MTREX: variants seen among roughly 807,000 people sequenced by gnomAD.
MTREX encodes exosome RNA helicase MTR4.
In MTREX, 76 loss-of-function variants were observed where a neutral mutation model predicts 135.4. That is an observed-to-expected ratio of 0.56 (90% confidence interval 0.47 to 0.68). The LOEUF is 0.68. MTREX is among the 30% of genes least tolerant of loss of function. The probability of loss-of-function intolerance (pLI) is 0.00; values close to 1 mark genes in which losing one functional copy is unlikely to be tolerated. For synonymous variants in MTREX, 404 were observed against 401.6 expected (o/e 1.01, Z -0.07); for missense variants, 920 against 1,262.1 (o/e 0.73, Z 4.11).
intron 5 of MTREX, among the ~76,000 whole-genome samples, chr5:55,334,241 G>C (rs904091870): frequency 6.6e-6 from 1 of 152,090 alleles, no homozygotes; most frequent in Non-Finnish European, 1.5e-5. Context: ...ACTAGAATTA[G>C]ATGGAGGTAC....
intron 25 of MTREX, among the ~76,000 whole-genome samples, chr5:55,417,627 T>C (rs977052556): frequency 1.3e-5 from 2 of 152,220 alleles, no homozygotes; most frequent in African/African-American, 4.8e-5. Context: ...AAGAGGGATG[T>C]TGCGTACTCA....
At chr5:55,410,801 C>T (rs565525274) in intron 23 of MTREX, among the ~76,000 whole-genome samples, 172 bp downstream of exon 23, 1 of 152,144 alleles carries the variant, frequency 6.6e-6, no homozygotes, top group East Asian at 1.9e-4. Flanking sequence ...TGATTAAATA[C>T]GTATTATTAG....
Position 55,347,016 on chromosome 5 carries a change from C to T in MTREX, c.1112C>T (p.Pro371Leu). ...QKGRKGGTKG[P>L]SNVFKIVKMI... ...GTGTTGTTTACTGTTTTTGCAGGAC[C>T]ATCAAATGTTTTCAAAATTGTGAAG... The change falls in exon 11 of 27, where the codon CCA becomes CTA. Residue 371 changes from proline to leucine, a missense_variant. Transcript: ENST00000230640. The T allele has an allele frequency of 6.2e-7, 1 of 1,605,040 alleles. No individual in the cohort carries two copies. The highest frequency in any genetic ancestry group is 1.1e-5 in the South Asian group (1 of 88,760).
At chr5:55,349,205 G>A (rs1399249690) in intron 11 of MTREX, among the ~76,000 whole-genome samples, 1 of 101,828 alleles carries the variant, frequency 9.8e-6, no homozygotes, top group Admixed American at 9.9e-5. Flanking sequence ...TTTTTTTTCT[G>A]AGATGGGGTC....
At chr5:55,402,520 C>T (rs527507354) in intron 21 of MTREX, among the ~76,000 whole-genome samples, 5 of 152,274 alleles carry the variant, frequency 3.3e-5, no homozygotes, top group African/African-American at 1.2e-4. Context: ...TGAAAAAGAC[C>T]TTGTCTGGCT....
At chr5:55,379,044 G>A in intron 17 of MTREX, 83 bp from the exon 18 acceptor site, 1 of 871,200 alleles carries the variant, frequency 1.1e-6, no homozygotes, top group Non-Finnish European at 1.9e-6. Context: ...AGCTTTATTA[G>A]TCTAGAATGT....
chr5:55,330,383 A>G (rs1415166451), intron 5 of MTREX, among the ~76,000 whole-genome samples: 1 of 151,842 alleles, frequency 6.6e-6, no homozygotes. Flanking sequence ...TTAATCTCAG[A>G]TATTATCTTT....
intron 15 of MTREX, among the ~76,000 whole-genome samples, chr5:55,362,191 C>G (rs549530047): frequency 5.7e-4 from 87 of 151,324 alleles, no homozygotes; most frequent in African/African-American, 2.0e-3. Context: ...CCTTGGCCTC[C>G]CAGAGTGCTG....
chr5:55,324,241 A>AT, intron 3 of MTREX, 43 bp downstream of exon 3: 4 of 1,449,848 alleles, frequency 2.8e-6, no homozygotes, highest in Non-Finnish European at 3.8e-6. Context: ...TACAAATGGG[A>AT]TTTTTCTTTG....
intron 19 of MTREX, among the ~76,000 whole-genome samples, chr5:55,391,618 G>A (rs796441250): frequency 6.6e-5 from 10 of 152,166 alleles, no homozygotes; most frequent in African/African-American, 2.4e-4. Flanking sequence ...AGGAACAGAG[G>A]ACTAAAACTC....
intron 2 of MTREX, among the ~76,000 whole-genome samples, chr5:55,323,778 C>G (rs1749326180): frequency 6.6e-6 from 1 of 152,156 alleles, no homozygotes; most frequent in South Asian, 2.1e-4. Flanking sequence ...TTTATACTTT[C>G]TATTGTGTAA....
chr5:55,349,644 C>T lies in MTREX; in HGVS notation c.1312C>T (p.Leu438Phe), dbSNP rs1749796217. 1 of 1,574,408 alleles carries T rather than the reference C, an allele frequency of 6.4e-7. No homozygotes were observed. Among genetic ancestry groups the T allele is most frequent in the Non-Finnish European group, 8.7e-7 (1 of 1,144,586 alleles). ...IDCLSDEDKK[L>F]PQVEHVLPLL... is the part of the protein sequence containing the mutation. The stretch of plus-strand genomic sequence containing the variant: ...TTGCTTATCCGATGAAGATAAAAAA[C>T]TCCCTCAGGTGAGTTTTCAGTATCA... The change falls in exon 12 of 27, where the codon CTC becomes TTC. Residue 438 changes from leucine (L) to phenylalanine (F), a missense_variant. This residue lies in a region of MTREX where 101 missense variants were observed against 119.1 expected (regional missense o/e 0.85). Coordinates refer to ENST00000230640, the MANE Select transcript of MTREX (RefSeq NM_015360.5).
In MTREX at chr5:55,425,561, A is replaced by AAT. The variant is rs1227556887; in HGVS notation, c.*791_*792dup. 2.1e-6 allele frequency: 1 copy of AAT among 465,334 alleles called. No individual in the cohort carries two copies. The highest frequency in any genetic ancestry group is 3.6e-6 in the Non-Finnish European group (1 of 274,094). 28.8% of individuals were successfully genotyped at this position (465,334 alleles called of 1,614,324 possible). On this transcript the variant is annotated 3_prime_UTR_variant, in exon 27 of 27. Transcript: ENST00000230640. ...AAATAGCTTCATTTTGCCAATACTG[A>AAT]ATAAAAGAGTTATTTCTACATGTGA... is the stretch of plus-strand genomic sequence containing the variant.
In MTREX at chr5:55,414,218, G is replaced by A; in HGVS notation, c.2788G>A (p.Gly930Arg). 6.4e-7 allele frequency: 1 copy of A among 1,568,536 alleles called. No homozygotes were observed. The highest frequency in any genetic ancestry group is 8.6e-7 in the Non-Finnish European group (1 of 1,166,202). Residue 930 changes from glycine (G) to arginine (R), a missense_variant, in exon 24 of 27, where the codon GGA becomes AGA. This residue lies in a region of MTREX where 467 missense variants were observed against 589.7 expected (regional missense o/e 0.79). Coordinates refer to ENST00000230640, the MANE Select transcript of MTREX (RefSeq NM_015360.5). ...GCCCAAATTAACAGAACAATTAGCA[G>A]GACCACTTCGTCAAATGCAGGTAAG... ...EMPKLTEQLA[G>R]PLRQMQECAK...
chr5:55,367,699 G>A (rs1750127817), intron 16 of MTREX, among the ~76,000 whole-genome samples: 1 of 152,208 alleles, frequency 6.6e-6, no homozygotes, highest in African/African-American at 2.4e-5. Flanking sequence ...TTATGTTCAA[G>A]TGGAATTGTA....
chr5:55,358,505 G>T, intron 14 of MTREX, 68 bp from the exon 15 acceptor site: 1 of 1,311,634 alleles, frequency 7.6e-7, no homozygotes, highest in South Asian at 1.4e-5. Context: ...TATAAAAAGA[G>T]AAATTTTAAG....
intron 3 of MTREX, among the ~76,000 whole-genome samples, chr5:55,325,328 G>T (rs1439568896): frequency 7.0e-6 from 1 of 143,512 alleles, no homozygotes; most frequent in Admixed American, 7.2e-5. Flanking sequence ...TTTTTGGGGG[G>T]GTTTTTTTTT....
intron 1 of MTREX, among the ~76,000 whole-genome samples, chr5:55,312,068 A>G (rs1257033663): frequency 2.0e-5 from 3 of 152,172 alleles, no homozygotes; most frequent in Non-Finnish European, 4.4e-5. Flanking sequence ...TTCCTCATCA[A>G]CCTTTCACAT....
At chr5:55,352,689 CTT>C (rs1749848341) in intron 13 of MTREX, among the ~76,000 whole-genome samples, 1 of 152,130 alleles carries the variant, frequency 6.6e-6, no homozygotes, top group Non-Finnish European at 1.5e-5. Flanking sequence ...ACTTCAGTGA[CTT>C]TACTTATACA....
Sources: gnomAD v4.1 joint callset for allele counts (sites outside exome capture counted in the v4.1 genomes callset) on GRCh38, gnomAD v4.1.1 for gene constraint, gnomAD v4.1.1 regional missense constraint, MANE v1.5 for transcripts, NCBI Gene and HGNC (gene_info 2026-07-23, HGNC 2026-07-21) for gene names.